RNLS: variants seen among roughly 807,000 people sequenced by gnomAD.
RNLS encodes renalase.
Under a neutral mutation model 39.8 loss-of-function variants are expected in RNLS, and 39 were observed. The ratio of observed to expected loss-of-function variants is 0.98; its 90% CI spans 0.76 to 1.28. The LOEUF (loss-of-function observed/expected upper bound fraction) is 1.28. RNLS is among the 50% of genes most tolerant of loss of function. The pLI is 0.00. For missense variants in RNLS, 410 were observed against 413.3 expected, an observed-to-expected ratio of 0.99 and a Z score of 0.07; for synonymous variants, 147 against 150.7, an observed-to-expected ratio of 0.98 and a Z score of 0.18.
At chr10:88,386,486 C>CTGTT (rs1193911895) in intron 4 of RNLS, among the ~76,000 whole-genome samples, 2 of 152,176 alleles carry the variant, frequency 1.3e-5, no homozygotes, top group African/African-American at 4.8e-5. Flanking sequence ...AATTCTTGTA[C>CTGTT]TGTTTCAGTT....
chr10:88,395,032 G>A (rs908626965), intron 4 of RNLS, among the ~76,000 whole-genome samples: 23 of 152,048 alleles, frequency 1.5e-4, no homozygotes, highest in East Asian at 9.7e-4. Context: ...ATCACACACC[G>A]GGGACTGTTG....
chr10:88,458,646 G>GA (rs1204483555), intron 4 of RNLS, among the ~76,000 whole-genome samples: 4 of 152,210 alleles, frequency 2.6e-5, no homozygotes, highest in Admixed American at 6.5e-5. Context: ...TATCAGCTCT[G>GA]AAAAATGGGG....
chr10:88,448,240 A>C (rs931253061), intron 4 of RNLS, among the ~76,000 whole-genome samples: 2 of 152,168 alleles, frequency 1.3e-5, no homozygotes, highest in Admixed American at 6.5e-5. Context: ...AATGGGAAAA[A>C]GTGTTTGCAA....
rs1847036857 is a variant in RNLS, at chr10:88,330,545, A to G, written c.701-15904T>C. 2.0e-5 allele frequency among the ~76,000 whole-genome samples: 3 copies of G among 152,286 alleles called. No homozygotes were observed. The South Asian group carries it at 6.2e-4, about 32-fold the overall frequency. On this transcript the variant is annotated intron_variant, in intron 5 of 6. Coordinates refer to ENST00000331772, the MANE Select transcript of RNLS (RefSeq NM_001031709.3). ...AAATCAGAAACTAAAATTCTTAGTA[A>G]CACCAATAGTATTTAACATTGCTCT... is the stretch of plus-strand genomic sequence containing the variant.
chr10:88,319,173 C>G (rs940833004), intron 5 of RNLS, among the ~76,000 whole-genome samples: 4 of 152,020 alleles, frequency 2.6e-5, no homozygotes, highest in African/African-American at 9.7e-5. Context: ...AATGAAGGAC[C>G]CATACAGCAC....
chr10:88,409,832 G>T (rs1853546575), intron 4 of RNLS, among the ~76,000 whole-genome samples: 1 of 151,982 alleles, frequency 6.6e-6, no homozygotes, highest in Non-Finnish European at 1.5e-5. Context: ...TGTCAGCCTA[G>T]TAGCTCTGTG....
chr10:88,235,311 G>T, the RNLS span, among the ~76,000 whole-genome samples: 1 of 150,226 alleles, frequency 6.7e-6, no homozygotes, highest in Non-Finnish European at 1.5e-5. Flanking sequence ...CCCTAACATG[G>T]ATCCAAAATG....
chr10:88,370,220 T>C (rs1446367053), intron 4 of RNLS, among the ~76,000 whole-genome samples: 1 of 152,178 alleles, frequency 6.6e-6, no homozygotes, highest in African/African-American at 2.4e-5. Context: ...TATTTTTTCA[T>C]AAGTAAATAA....
intron 6 of RNLS, 120 bp from the exon 7 acceptor site, chr10:88,285,626 C>A: frequency 6.1e-6 from 5 of 816,672 alleles, no homozygotes; most frequent in Admixed American, 2.8e-5. Flanking sequence ...CAAGAAGCAC[C>A]AAACAAACAA....
At chr10:88,336,213 C>A (rs184420870) in intron 5 of RNLS, among the ~76,000 whole-genome samples, 1 of 152,188 alleles carries the variant, frequency 6.6e-6, no homozygotes, top group Non-Finnish European at 1.5e-5. Flanking sequence ...TTTTAAAAAA[C>A]CGACACACCT....
the RNLS span, among the ~76,000 whole-genome samples, chr10:88,171,566 T>G: frequency 4.6e-5 from 7 of 152,234 alleles, no homozygotes; most frequent in Admixed American, 1.3e-4. Context: ...TATTGTTAAA[T>G]TTTTAGTTGA....
the RNLS span, among the ~76,000 whole-genome samples, chr10:88,176,458 G>A: frequency 1.3e-5 from 2 of 152,196 alleles, no homozygotes; most frequent in Admixed American, 6.5e-5. Flanking sequence ...ACAGATGTGA[G>A]CCACTGCACC....
At chr10:88,427,658 T>A (rs894472675) in intron 4 of RNLS, among the ~76,000 whole-genome samples, 2 of 151,928 alleles carry the variant, frequency 1.3e-5, no homozygotes, top group African/African-American at 4.8e-5. Flanking sequence ...TACTTACTAT[T>A]TGATACAAAT....
intron 4 of RNLS, among the ~76,000 whole-genome samples, chr10:88,382,070 G>A (rs1851550028): frequency 6.6e-6 from 1 of 152,030 alleles, no homozygotes; most frequent in Non-Finnish European, 1.5e-5. Context: ...GACTGTATAT[G>A]TTGCTTTTAT....
chr10:88,289,288 G>T (rs548233315), intron 6 of RNLS, among the ~76,000 whole-genome samples: 1 of 152,122 alleles, frequency 6.6e-6, no homozygotes, highest in South Asian at 2.1e-4. Flanking sequence ...ATCTCACCTC[G>T]TGCCACTTCT....
intron 4 of RNLS, among the ~76,000 whole-genome samples, chr10:88,460,083 A>G (rs1369821463): frequency 6.6e-6 from 1 of 152,148 alleles, no homozygotes; most frequent in Non-Finnish European, 1.5e-5. Context: ...GATCCTTCAG[A>G]CAGGTGAGTT....
chr10:88,458,132 C>T (rs915944103), intron 4 of RNLS, among the ~76,000 whole-genome samples: 6 of 152,170 alleles, frequency 3.9e-5, no homozygotes, highest in Non-Finnish European at 8.8e-5. Flanking sequence ...GGATGCCACC[C>T]CATCTCCCAT....
In RNLS at chr10:88,330,092, A is replaced by ATATATATATATATATAT. The variant is rs750773423; in HGVS notation, c.701-15452_701-15451insATATATATATATATATA. On this transcript the variant is annotated intron_variant, in intron 5 of 6. Coordinates refer to ENST00000331772, the MANE Select transcript of RNLS (RefSeq NM_001031709.3). Reference sequence around the variant, plus strand: ...TGAGATATATATATATATATATATAAATATAAATATATATACACACACTAT... The same window carrying ATATATATATATATATAT: ...TGAGATATATATATATATATATATAATATATATATATATATATATATAAATATATATACACACACTAT... Among the ~76,000 whole-genome samples the ATATATATATATATATAT allele has an allele frequency of 9.6e-4, 132 of 138,168 alleles. 1 individual carries two copies. The highest frequency in any genetic ancestry group is 3.7e-3 in the Middle Eastern group (1 of 270). The allele number at this position is 138,168 out of a possible 152,430, so 90.6% of individuals were successfully genotyped here. A position where few individuals can be genotyped will look rare whatever the true frequency, so the allele number is the denominator to read the frequency against.
At chr10:88,236,360 C>T in the RNLS span, among the ~76,000 whole-genome samples, 1 of 152,146 alleles carries the variant, frequency 6.6e-6, no homozygotes. Flanking sequence ...GAAACCATTT[C>T]CTGATTTAGA....
Sources: gnomAD v4.1 joint callset for allele counts (sites outside exome capture counted in the v4.1 genomes callset) on GRCh38, gnomAD v4.1.1 for gene constraint, MANE v1.5 for transcripts, NCBI Gene and HGNC (gene_info 2026-07-23, HGNC 2026-07-21) for gene names.